Variants in JARID2 observed in about 807,000 individuals in gnomAD.
JARID2 encodes the protein jumonji and AT-rich interaction domain containing 2.
Under a neutral mutation model 125.6 loss-of-function variants are expected in JARID2, and 21 were observed. The ratio of observed to expected loss-of-function variants is 0.17; its 90% CI spans 0.12 to 0.24. JARID2 has a LOEUF of 0.24. JARID2 is among the 10% of genes least tolerant of loss of function. The pLI, the probability that JARID2 is intolerant of heterozygous loss-of-function variation, is 1.00. For missense variants in JARID2, 1,303 were observed against 1,639.6 expected (o/e 0.79, Z 3.55); for synonymous variants, 736 against 661.6 (o/e 1.11, Z -1.73).
intron 1 of JARID2, among the ~76,000 whole-genome samples, chr6:15,269,356 T>A (rs1760208374): frequency 6.6e-6 from 1 of 152,058 alleles, no homozygotes; most frequent in South Asian, 2.1e-4. Context: ...TATTTGAACC[T>A]TCAGCATTTT....
At chr6:15,274,052 C>T (rs998378311) in intron 1 of JARID2, among the ~76,000 whole-genome samples, 4 of 152,022 alleles carry the variant, frequency 2.6e-5, no homozygotes, top group Admixed American at 1.3e-4. Flanking sequence ...CCTCAGCCTC[C>T]GGAGTAGATG....
intron 2 of JARID2, among the ~76,000 whole-genome samples, chr6:15,376,109 C>A (rs919905641): frequency 2.0e-5 from 3 of 152,168 alleles, no homozygotes; most frequent in African/African-American, 7.2e-5. Context: ...TCTCAGTTGG[C>A]AAAGATGCCC....
Position 15,464,148 on chromosome 6 carries a change from C to G in JARID2, c.494-4394C>G, listed in dbSNP as rs528503824. On this transcript the variant is annotated intron_variant, in intron 4 of 17. Coordinates refer to ENST00000341776, the MANE Select transcript of JARID2 (RefSeq NM_004973.4). ...TGGCATGAAATAAGAGATGATCTTACTGCATTTGTCTCGAGGAGAAAAAAA... is the reference window on the plus strand; with the variant it reads ...TGGCATGAAATAAGAGATGATCTTAGTGCATTTGTCTCGAGGAGAAAAAAA... Among the ~76,000 whole-genome samples, 6 of 152,250 alleles carry G rather than the reference C, an allele frequency of 3.9e-5. No individual in the cohort carries two copies. The South Asian group carries it at 1.2e-3, about 32-fold the overall frequency.
At chr6:15,459,977 C>G (rs1768366716) in intron 4 of JARID2, among the ~76,000 whole-genome samples, 1 of 152,170 alleles carries the variant, frequency 6.6e-6, no homozygotes. Context: ...CAGTGGTACA[C>G]AACTTTTTTT....
chr6:15,336,104 AAT>A (rs1762868548), intron 1 of JARID2, among the ~76,000 whole-genome samples: 3 of 151,990 alleles, frequency 2.0e-5, no homozygotes, highest in African/African-American at 2.4e-5. Flanking sequence ...TGAATGAATG[AAT>A]GAATGAATGA....
chr6:15,478,811 A>G (rs1409730025), intron 5 of JARID2, among the ~76,000 whole-genome samples: 1 of 151,920 alleles, frequency 6.6e-6, no homozygotes, highest in African/African-American at 2.4e-5. Flanking sequence ...CTGGGATTAC[A>G]GGTGCCCGCC....
chr6:15,295,627 C>G (rs1016840027), intron 1 of JARID2, among the ~76,000 whole-genome samples: 1 of 152,034 alleles, frequency 6.6e-6, no homozygotes, highest in Non-Finnish European at 1.5e-5. Context: ...ATACATGTTT[C>G]AATACTGAAT....
intron 1 of JARID2, among the ~76,000 whole-genome samples, chr6:15,265,490 A>G (rs987721635): frequency 5.3e-5 from 8 of 152,076 alleles, no homozygotes; most frequent in African/African-American, 1.9e-4. Flanking sequence ...GGGATTTCAA[A>G]TATCTGTGCA....
intron 1 of JARID2, among the ~76,000 whole-genome samples, chr6:15,364,556 A>G (rs1763909124): frequency 6.6e-6 from 1 of 152,216 alleles, no homozygotes; most frequent in Non-Finnish European, 1.5e-5. Flanking sequence ...AACCACTTCC[A>G]ACCTGGAGAG....
At chr6:15,340,979 A>G (rs1343247753) in intron 1 of JARID2, among the ~76,000 whole-genome samples, 1 of 152,160 alleles carries the variant, frequency 6.6e-6, no homozygotes, top group East Asian at 1.9e-4. Context: ...AAGCGGTGCT[A>G]ATACACTTTC....
chr6:15,385,274 ATC>A (rs1382654261), intron 2 of JARID2, among the ~76,000 whole-genome samples: 3 of 151,638 alleles, frequency 2.0e-5, no homozygotes, highest in African/African-American at 7.3e-5. Flanking sequence ...ATGTGACTTG[ATC>A]TCTCTGTATG....
At chr6:15,500,371 G>GTGGA (rs1197160206) in intron 7 of JARID2, among the ~76,000 whole-genome samples, 3 of 152,188 alleles carry the variant, frequency 2.0e-5, no homozygotes, top group African/African-American at 7.2e-5. Flanking sequence ...GAGTGAGTGG[G>GTGGA]TGGATGGGTG....
chr6:15,452,284 C>T (rs1379262729), intron 4 of JARID2, 109 bp downstream of exon 4: 5 of 1,459,402 alleles, frequency 3.4e-6, no homozygotes, highest in Non-Finnish European at 4.5e-6. Context: ...TTTTTCTGTC[C>T]CCAACCTGGG....
chr6:15,485,011 C>T (rs1325836918), intron 5 of JARID2, among the ~76,000 whole-genome samples: 1 of 152,080 alleles, frequency 6.6e-6, no homozygotes, highest in Non-Finnish European at 1.5e-5. Context: ...TTTAATTTGT[C>T]TTGAAAGCTA....
intron 3 of JARID2, among the ~76,000 whole-genome samples, chr6:15,410,787 A>G (rs1365235285): frequency 6.6e-6 from 1 of 152,248 alleles, no homozygotes; most frequent in African/African-American, 2.4e-5. Flanking sequence ...TTGTCAGGAA[A>G]GCTGAAATTA....
chr6:15,492,535 C>T (rs1302320028), intron 6 of JARID2, among the ~76,000 whole-genome samples: 2 of 152,156 alleles, frequency 1.3e-5, no homozygotes. Flanking sequence ...GTGTTGGCTC[C>T]TTATAGACAA....
rs1361341139 is a variant in JARID2, at chr6:15,520,956, T to C, written c.*705T>C. On this transcript the variant is annotated 3_prime_UTR_variant, in exon 18 of 18. Coordinates refer to ENST00000341776, the MANE Select transcript of JARID2 (RefSeq NM_004973.4). ...GGAAGACGGAAAAGACTGCCTGCCT[T>C]GGAGGGGTCACATGAGGGAGACCTG... 2 of 390,736 alleles carry C rather than the reference T, an allele frequency of 5.1e-6. No homozygotes were observed. Among genetic ancestry groups the C allele is most frequent in the Non-Finnish European group, 1.1e-5 (2 of 189,268 alleles). The allele number at this position is 390,736 out of a possible 1,614,324, so 24.2% of individuals were successfully genotyped here.
intron 2 of JARID2, among the ~76,000 whole-genome samples, chr6:15,399,311 C>CCTAT (rs1442593615): frequency 6.6e-6 from 1 of 152,194 alleles, no homozygotes; most frequent in Non-Finnish European, 1.5e-5. Flanking sequence ...TCTGTTGAGA[C>CCTAT]ATAGGAGCTA....
At chr6:15,384,732 T>C (rs1257077542) in intron 2 of JARID2, among the ~76,000 whole-genome samples, 1 of 152,120 alleles carries the variant, frequency 6.6e-6, no homozygotes, top group African/African-American at 2.4e-5. Flanking sequence ...TTGCTGGGAC[T>C]TCAGGCATGT....
Sources: allele counts gnomAD v4.1 joint callset (sites outside exome capture counted in the v4.1 genomes callset), GRCh38; gene constraint gnomAD v4.1.1; transcripts MANE v1.5; gene names NCBI Gene and HGNC (gene_info 2026-07-23, HGNC 2026-07-21).